Variants in GRIN3A observed in about 807,000 individuals in gnomAD.
The protein encoded by GRIN3A is glutamate receptor ionotropic, NMDA 3A.
A neutral mutation model predicts 92.4 loss-of-function variants in GRIN3A; 47 were observed. The ratio of observed to expected loss-of-function variants is 0.51; its 90% confidence interval spans 0.40 to 0.65. The LOEUF (loss-of-function observed/expected upper bound fraction) is 0.65. Ranked by LOEUF, GRIN3A falls within the 30% of genes least tolerant of loss-of-function variation. GRIN3A has a pLI of 0.00. For synonymous variants in GRIN3A, 527 were observed against 540.6 expected, an observed-to-expected ratio of 0.97 and a Z score of 0.35; for missense variants, 1,324 against 1,393.1, an observed-to-expected ratio of 0.95 and a Z score of 0.79.
intron 1 of GRIN3A, among the ~76,000 whole-genome samples, chr9:101,705,296 G>T (rs897731933): frequency 2.6e-5 from 4 of 152,210 alleles, no homozygotes; most frequent in African/African-American, 9.6e-5. Flanking sequence ...AGAGCGCAGA[G>T]AACAGTAGGG....
Position 101,670,541 on chromosome 9 carries a change from G to A in GRIN3A, c.1871C>T (p.Thr624Ile), listed in dbSNP as rs1829303207. Reference protein sequence around the residue: ...TGLVGDLLRGTAHMAVTSFSI... With the variant: ...TGLVGDLLRGIAHMAVTSFSI... ...AAAGGAAGTGACTGCCATGTGGGCA[G>A]TCCCTCTCAGGAGATCACCCACTAG... is the stretch of plus-strand genomic sequence containing the variant. The change falls in exon 3 of 9, where the codon ACT becomes ATT. Residue 624 changes from threonine (T) to isoleucine (I), a missense_variant. Thr to Ile is a moderately conservative substitution (Grantham distance 89). Coordinates refer to ENST00000361820, the MANE Select transcript of GRIN3A (RefSeq NM_133445.3). 1.9e-6 allele frequency: 3 copies of A among 1,614,034 alleles called. No individual in the cohort carries two copies. Among genetic ancestry groups the A allele is most frequent in the Non-Finnish European group, 2.5e-6 (3 of 1,179,962 alleles).
At chr9:101,656,582 T>A (rs1398995810) in intron 3 of GRIN3A, among the ~76,000 whole-genome samples, 1 of 151,898 alleles carries the variant, frequency 6.6e-6, no homozygotes, top group African/African-American at 2.4e-5. Context: ...AGAATACACC[T>A]AGGGATCTTG....
At chr9:101,696,123 G>A (rs544696411) in intron 1 of GRIN3A, among the ~76,000 whole-genome samples, 2 of 152,168 alleles carry the variant, frequency 1.3e-5, no homozygotes, top group Admixed American at 1.3e-4. Flanking sequence ...AGGAGGGTAA[G>A]GACCGGATTA....
chr9:101,734,218 G>C (rs1830173774), intron 1 of GRIN3A, among the ~76,000 whole-genome samples: 2 of 152,160 alleles, frequency 1.3e-5, no homozygotes, highest in African/African-American at 4.8e-5. Context: ...GAGAGAGAAA[G>C]AAAGTATAAC....
Position 101,573,343 on chromosome 9 carries a change from G to T in GRIN3A, c.3179C>A (p.Thr1060Asn). The T allele has an allele frequency of 6.2e-7, 1 of 1,614,050 alleles. No individual in the cohort carries two copies. The highest frequency in any genetic ancestry group is 8.5e-7 in the Non-Finnish European group (1 of 1,179,982). Reference sequence around the variant, plus strand: ...TAGGGAGTCTGCTTTCCCATTGGTGGTCCGCAAGGCAGGGAGCTCTCTTCT... The same window carrying T: ...TAGGGAGTCTGCTTTCCCATTGGTGTTCCGCAAGGCAGGGAGCTCTCTTCT... The part of the protein sequence containing the change: ...PRRRELPALR[T>N]TNGKADSLNV... The change falls in exon 9 of 9, where the codon ACC becomes AAC. Residue 1060 changes from threonine (T) to asparagine (N), a missense_variant. By Grantham distance (65) the Thr-to-Asn change is moderately conservative. Coordinates refer to ENST00000361820, the MANE Select transcript of GRIN3A (RefSeq NM_133445.3).
At chr9:101,618,934 A>T (rs1828509332) in intron 5 of GRIN3A, among the ~76,000 whole-genome samples, 1 of 152,216 alleles carries the variant, frequency 6.6e-6, no homozygotes, top group African/African-American at 2.4e-5. Flanking sequence ...TGGTTGATGA[A>T]TGAAGCAAAA....
At chr9:101,704,450 T>A (rs1467800640) in intron 1 of GRIN3A, among the ~76,000 whole-genome samples, 1 of 152,230 alleles carries the variant, frequency 6.6e-6, no homozygotes, top group East Asian at 1.9e-4. Flanking sequence ...TACAGACAAT[T>A]CTCAACTTAG....
At chr9:101,694,199 G>A (rs1829653553) in intron 1 of GRIN3A, among the ~76,000 whole-genome samples, 1 of 152,264 alleles carries the variant, frequency 6.6e-6, no homozygotes, top group South Asian at 2.1e-4. Flanking sequence ...TACACAATTA[G>A]AAGAAAGTGT....
chr9:101,616,974 C>G (rs1316859362), intron 5 of GRIN3A, among the ~76,000 whole-genome samples: 3 of 150,500 alleles, frequency 2.0e-5, no homozygotes, highest in Non-Finnish European at 4.4e-5. Flanking sequence ...GCCAAGGTGG[C>G]CGGATCACGA....
chr9:101,728,267 A>G (rs542442848), intron 1 of GRIN3A, among the ~76,000 whole-genome samples: 60 of 152,280 alleles, frequency 3.9e-4, no homozygotes, highest in African/African-American at 1.4e-3. Flanking sequence ...GTCCAAAAAC[A>G]CCCATAGATT....
At chr9:101,625,407 C>T (rs971492931) in intron 4 of GRIN3A, among the ~76,000 whole-genome samples, 1 of 151,936 alleles carries the variant, frequency 6.6e-6, no homozygotes, top group Non-Finnish European at 1.5e-5. Flanking sequence ...GAAAGATATC[C>T]CTAGACACCC....
At chr9:101,643,358 G>T (rs10760798) in intron 3 of GRIN3A, among the ~76,000 whole-genome samples, 53,801 of 151,888 alleles carry the variant, frequency 0.35, 10,036 homozygotes, top group African/African-American at 0.48. Flanking sequence ...AGTTATCACT[G>T]TATACCTGTT....
In GRIN3A at chr9:101,579,305, C is replaced by A; in HGVS notation, c.2822G>T (p.Gly941Val). 3 of 1,614,004 alleles carry A rather than the reference C, an allele frequency of 1.9e-6. No individual in the cohort carries two copies. Among genetic ancestry groups the A allele is most frequent in the Non-Finnish European group, 2.5e-6 (3 of 1,179,928 alleles). ...FSGLFVLLCI[G>V]FGLSILTTIG... ...GGTGGTCAAAATGGACAGACCAAATCCAATGCACAGCAGCACAAAGAGCCC... is the reference window on the plus strand; with the variant it reads ...GGTGGTCAAAATGGACAGACCAAATACAATGCACAGCAGCACAAAGAGCCC... The change falls in exon 7 of 9, where the codon GGA (glycine) becomes GTA (valine). Residue 941 changes from glycine to valine, a missense_variant. Gly to Val is a moderately radical substitution (Grantham distance 109). Coordinates refer to ENST00000361820, the MANE Select transcript of GRIN3A (RefSeq NM_133445.3).
In GRIN3A at chr9:101,623,397, GT is replaced by G; in HGVS notation, c.2534del (p.Asp845AlafsTer11). 1 of 1,613,560 alleles carries G rather than the reference GT, an allele frequency of 6.2e-7. No individual in the cohort carries two copies. The highest frequency in any genetic ancestry group is 8.5e-7 in the Non-Finnish European group (1 of 1,179,450). ...ACACTTCATAATCCAGAAGGGCTTT[GT>G]CCATGATGAAGGCGTCTAGTTTCTC... is the stretch of plus-strand genomic sequence containing the variant. ...DPEKLDAFIMDKALLDYEVSI... is the reference protein window; with the variant it reads ...DPEKLDAFIMXKALLDYEVSI... On this transcript the variant is annotated frameshift_variant, in exon 5 of 9. Coordinates refer to ENST00000361820, the MANE Select transcript of GRIN3A (RefSeq NM_133445.3). LOFTEE classifies it high-confidence loss of function.
At chr9:101,592,733 A>G (rs533971508) in intron 6 of GRIN3A, 1 of 150,628 alleles carries the variant, frequency 6.6e-6, no homozygotes, top group Non-Finnish European at 1.5e-5. Flanking sequence ...TGGGTTCCCT[A>G]CAAGTGATTA....
At chr9:101,693,820 T>C (rs1463556114) in intron 1 of GRIN3A, among the ~76,000 whole-genome samples, 1 of 152,196 alleles carries the variant, frequency 6.6e-6, no homozygotes, top group Non-Finnish European at 1.5e-5. Flanking sequence ...AGTTGCATAA[T>C]TAATGACATC....
chr9:101,617,770 T>C (rs1226402960), intron 5 of GRIN3A, among the ~76,000 whole-genome samples: 1 of 148,848 alleles, frequency 6.7e-6, no homozygotes, highest in East Asian at 1.9e-4. Context: ...TAGCATTAGG[T>C]ATATCTCCCA....
intron 3 of GRIN3A, among the ~76,000 whole-genome samples, chr9:101,642,057 T>C (rs1048884281): frequency 4.6e-5 from 7 of 152,146 alleles, no homozygotes; most frequent in Non-Finnish European, 8.8e-5. Flanking sequence ...AGAGGCATCA[T>C]AATACTTGAT....
Position 101,711,265 on chromosome 9 carries a change from C to T in GRIN3A, c.700-24065G>A, listed in dbSNP as rs541473592. Among the ~76,000 whole-genome samples the T allele has an allele frequency of 2.0e-5, 3 of 152,256 alleles. No individual in the cohort carries two copies. In the South Asian group the frequency reaches 6.2e-4, roughly 32 times the overall value. On this transcript the variant is annotated intron_variant, in intron 1 of 8. Coordinates refer to ENST00000361820, the MANE Select transcript of GRIN3A (RefSeq NM_133445.3). ...GACATCTATGGTTGGATGTCAGGGG[C>T]AGATGATGCTGATAACCAACAGGCG...
Sources: gnomAD v4.1 joint callset for allele counts (sites outside exome capture counted in the v4.1 genomes callset) on GRCh38, gnomAD v4.1.1 for gene constraint, MANE v1.5 for transcripts, NCBI Gene and HGNC (gene_info 2026-07-23, HGNC 2026-07-21) for gene names.